PRPF19: variants seen among roughly 807,000 people sequenced by gnomAD.
The protein encoded by PRPF19 is pre-mRNA processing factor 19, also known as pre-mRNA-processing factor 19.
PRPF19 carries 2 observed loss-of-function variants against 64.2 expected under a neutral mutation model. The ratio of observed to expected loss-of-function variants is 0.03; its 90% CI spans 0.01 to 0.10. The LOEUF (loss-of-function observed/expected upper bound fraction) is 0.10, where lower values mean the gene tolerates loss of function less well. PRPF19 is among the 10% of genes least tolerant of loss of function. PRPF19 has a pLI of 1.00. For synonymous variants in PRPF19, 226 were observed against 251.6 expected, an observed-to-expected ratio of 0.90 and a Z score of 0.96; for missense variants, 314 against 650.0, an observed-to-expected ratio of 0.48 and a Z score of 5.62.
In PRPF19 at chr11:60,902,353, T is replaced by A; in HGVS notation, c.525+50A>T. On this transcript the variant is annotated intron_variant, in intron 6 of 15. Coordinates refer to ENST00000227524, the MANE Select transcript of PRPF19 (RefSeq NM_014502.5). This position sits in a 1 kb window ranked among gnomAD's most constrained non-coding sequence, Gnocchi z 5.0. Reference sequence around the variant, plus strand: ...GTCACGATGGACTCCAGACAGATGGTGAAAAGTAAGGGCCCATCAGCACTC... The same window carrying A: ...GTCACGATGGACTCCAGACAGATGGAGAAAAGTAAGGGCCCATCAGCACTC... The A allele has an allele frequency of 6.4e-7, 1 of 1,569,152 alleles. No homozygotes were observed. Among genetic ancestry groups the A allele is most frequent in the East Asian group, 2.2e-5 (1 of 44,668 alleles).
chr11:60,895,776 T>C (rs1855912990), intron 15 of PRPF19, among the ~76,000 whole-genome samples: 1 of 151,298 alleles, frequency 6.6e-6, no homozygotes, highest in Non-Finnish European at 1.5e-5. Flanking sequence ...ATAATACGGT[T>C]ATTAACTGGC....
chr11:60,903,428 G>A (rs1476020095), intron 3 of PRPF19, 31 bp downstream of exon 3: 1 of 1,588,500 alleles, frequency 6.3e-7, no homozygotes, highest in Non-Finnish European at 8.6e-7. Context: ...CTTCAAGTGG[G>A]GAAGATGCTG....
At chr11:60,892,791 C>T (rs1405433146) in intron 15 of PRPF19, among the ~76,000 whole-genome samples, 1 of 152,162 alleles carries the variant, frequency 6.6e-6, no homozygotes, top group African/African-American at 2.4e-5. Context: ...GGAATCTCAA[C>T]CAGGGAAAAT....
rs778898976 is a variant in PRPF19 at position 60,901,298 on chromosome 11, G to A, written c.639C>T (p.His213=). 5.7e-5 allele frequency: 92 copies of A among 1,613,972 alleles called. No individual in the cohort carries two copies. The highest frequency in any genetic ancestry group is 7.0e-5 in the Non-Finnish European group (83 of 1,180,010). ...ELSKYRQVAS[H]VGLHSASIPG... ...CAGTGGAGACCCAGACACTCACCAC[G>A]TGGGATGCCACCTGCCGGTATTTGC... The change falls in exon 8 of 16, where the codon CAC becomes CAT. Residue 213 remains histidine, a synonymous_variant. Transcript: ENST00000227524.
Position 60,891,165 on chromosome 11 carries a change from C to A in PRPF19, c.*1G>T, listed in dbSNP as rs538227816. The A allele has an allele frequency of 6.4e-7, 1 of 1,562,066 alleles. No homozygotes were observed. The highest frequency in any genetic ancestry group is 1.7e-5 in the Admixed American group (1 of 58,090). On this transcript the variant is annotated 3_prime_UTR_variant, in exon 16 of 16. Transcript: ENST00000227524. ...CCAGCTTCCATCAGAAGGGCCAGGG[C>A]CTACAGGCTGTAGAACTTGAGGCTT...
At chr11:60,896,097 A>G (rs774425477) in intron 15 of PRPF19, among the ~76,000 whole-genome samples, 6 of 152,238 alleles carry the variant, frequency 3.9e-5, no homozygotes, top group Non-Finnish European at 5.9e-5. Flanking sequence ...TGCTTGGGGC[A>G]AGGTTGCCAA....
chr11:60,893,874 G>A (rs750072375), intron 15 of PRPF19, among the ~76,000 whole-genome samples: 34 of 150,882 alleles, frequency 2.3e-4, no homozygotes, highest in Non-Finnish European at 4.0e-4. Context: ...AGCCAAGATC[G>A]TGCCACTGCA....
In PRPF19 at chr11:60,906,537, G is replaced by A; in HGVS notation, c.-155C>T. ...GCGATGCTAGCGTAGCGCTTCACGT[G>A]GGAATGGGGACAGCCGCGCGCCACA... On this transcript the variant is annotated 5_prime_UTR_variant, in exon 1 of 16. Transcript: ENST00000227524. The A allele has an allele frequency of 1.3e-6, 1 of 758,838 alleles. No homozygotes were observed. The highest frequency in any genetic ancestry group is 2.1e-6 in the Non-Finnish European group (1 of 483,980). 47.0% of individuals were successfully genotyped at this position (758,838 alleles called of 1,614,324 possible). A position where few individuals can be genotyped will look rare whatever the true frequency, so the allele number is the denominator to read the frequency against.
At chr11:60,899,342 A>G (rs1237586774) in intron 10 of PRPF19, 38 bp from the exon 11 acceptor site, 2 of 1,578,928 alleles carry the variant, frequency 1.3e-6, no homozygotes. Context: ...AGAGTCAGAA[A>G]AGAGATACAG....
chr11:60,890,899 G>A lies in PRPF19; in HGVS notation c.*267C>T. ...ACCACGTCCATTGAACGACAGGAAG[G>A]GAGAGGCCCTGGGCTCCGACCCTGG... On this transcript the variant is annotated 3_prime_UTR_variant, in exon 16 of 16. Coordinates refer to ENST00000227524, the MANE Select transcript of PRPF19 (RefSeq NM_014502.5). The A allele has an allele frequency of 1.7e-6, 1 of 576,898 alleles. No individual in the cohort carries two copies. Among genetic ancestry groups the A allele is most frequent in the Non-Finnish European group, 3.3e-6 (1 of 305,778 alleles). 35.7% of individuals were successfully genotyped at this position (576,898 alleles called of 1,614,324 possible).
chr11:60,890,783 A>G lies in PRPF19; in HGVS notation c.*383T>C, dbSNP rs1855847223. 1 of 464,002 alleles carries G rather than the reference A, an allele frequency of 2.2e-6. No homozygotes were observed. The highest frequency in any genetic ancestry group is 1.5e-5 in the South Asian group (1 of 64,608). The allele number at this position is 464,002 out of a possible 1,614,324, so 28.7% of individuals were successfully genotyped here. ...GATCACTGCTTACAAAACCCTGCACAAGCCCTCCTGCCCATCCCCTTCACA... is the reference window on the plus strand; with the variant it reads ...GATCACTGCTTACAAAACCCTGCACGAGCCCTCCTGCCCATCCCCTTCACA... On this transcript the variant is annotated 3_prime_UTR_variant, in exon 16 of 16. Coordinates refer to ENST00000227524, the MANE Select transcript of PRPF19 (RefSeq NM_014502.5).
chr11:60,898,572 A>G lies in PRPF19; in HGVS notation c.1109T>C (p.Met370Thr). 6.2e-7 allele frequency: 1 copy of G among 1,614,192 alleles called. No individual in the cohort carries two copies. The highest frequency in any genetic ancestry group is 8.5e-7 in the Non-Finnish European group (1 of 1,180,036). Residue 370 changes from methionine to threonine, a missense_variant, in exon 13 of 16, where the codon ATG (methionine) becomes ACG (threonine). Physicochemically the swap from Met to Thr is moderately conservative, Grantham distance 81 (BLOSUM62 -1). This residue lies in a region of PRPF19 where 175 missense variants were observed against 342.9 expected (regional missense o/e 0.51). Transcript: ENST00000227524. The surrounding 1 kb of genome is among the most constrained non-coding windows in gnomAD (Gnocchi z 4.6). ...GTCCCAGATCTTGATCTGAGAGTCC[A>G]TGGTTCCTGTTCCAAAGATGAGTCC... ...PDGLIFGTGT[M>T]DSQIKIWDLK...
rs1388444713 is a variant in PRPF19, at chr11:60,890,959, C to A, written c.*207G>T. The A allele has an allele frequency of 1.3e-5, 8 of 614,852 alleles. No individual in the cohort carries two copies. The highest frequency in any genetic ancestry group is 1.3e-4 in the African/African-American group (7 of 54,576). The allele number at this position is 614,852 out of a possible 1,614,324, so 38.1% of individuals were successfully genotyped here. A position where few individuals can be genotyped will look rare whatever the true frequency, so the allele number is the denominator to read the frequency against. ...GGGTGACAGTTCTTCCTTCCACATC[C>A]GTTCCCATGGGGCCTGGAGTTGCAT... On this transcript the variant is annotated 3_prime_UTR_variant, in exon 16 of 16. Coordinates refer to ENST00000227524, the MANE Select transcript of PRPF19 (RefSeq NM_014502.5).
intron 3 of PRPF19, among the ~76,000 whole-genome samples, chr11:60,903,162 TA>T (rs1856003262): frequency 6.6e-6 from 1 of 152,128 alleles, no homozygotes; most frequent in Non-Finnish European, 1.5e-5. Flanking sequence ...GTCCCCTCTC[TA>T]AAAGAGAATA....
In PRPF19 at chr11:60,898,229, T is replaced by G. The variant is rs746057859; in HGVS notation, c.1183A>C (p.Ile395Leu). ...TTCTCAGAGAAGGCGATGCTAGTGATGGGGCCCGAGTGGCCAGGGAAGTTG... is the reference window on the plus strand; with the variant it reads ...TTCTCAGAGAAGGCGATGCTAGTGAGGGGGCCCGAGTGGCCAGGGAAGTTG... ...VANFPGHSGP[I>L]TSIAFSENGY... Residue 395 changes from isoleucine (I) to leucine (L), a missense_variant, in exon 14 of 16, where the codon ATC becomes CTC. Physicochemically the swap from Ile to Leu is conservative, Grantham distance 5 (BLOSUM62 2). Coordinates refer to ENST00000227524, the MANE Select transcript of PRPF19 (RefSeq NM_014502.5). This position sits in a 1 kb window ranked among gnomAD's most constrained non-coding sequence, Gnocchi z 4.6. 6.2e-7 allele frequency: 1 copy of G among 1,614,074 alleles called. No individual in the cohort carries two copies. The highest frequency in any genetic ancestry group is 8.5e-7 in the Non-Finnish European group (1 of 1,180,018).
At chr11:60,903,167 G>C (rs561478514) in intron 3 of PRPF19, among the ~76,000 whole-genome samples, 11 of 152,210 alleles carry the variant, frequency 7.2e-5, no homozygotes, top group African/African-American at 2.2e-4. Flanking sequence ...CTCTCTAAAA[G>C]AGAATAACAA....
chr11:60,897,788 G>T (rs1855937685), intron 15 of PRPF19, 58 bp downstream of exon 15: 2 of 1,447,812 alleles, frequency 1.4e-6, no homozygotes, highest in Non-Finnish European at 9.6e-7. Context: ...ACCCAGTGAG[G>T]CTTCCCTCCG....
In PRPF19 at chr11:60,903,744, G is replaced by C. The variant is rs751326482; in HGVS notation, c.137C>G (p.Pro46Arg). 1 of 1,600,526 alleles carries C rather than the reference G, an allele frequency of 6.2e-7. No individual in the cohort carries two copies. The highest frequency in any genetic ancestry group is 1.1e-5 in the South Asian group (1 of 90,010). ...GTCGATGAGCTGCTCCTCGGAGAGA[G>C]GCTGGTTGTTGATGGGGTCGGTACC... The part of the protein sequence containing the change: ...ENGTDPINNQ[P>R]LSEEQLIDIK... The change falls in exon 2 of 16, where the codon CCT becomes CGT. Residue 46 changes from proline to arginine, a missense_variant. This residue lies in a region of PRPF19 where 66 missense variants were observed against 88.4 expected (regional missense o/e 0.75). Coordinates refer to ENST00000227524, the MANE Select transcript of PRPF19 (RefSeq NM_014502.5).
Position 60,897,966 on chromosome 11 carries a change from AAGAG to A in PRPF19, c.1312-19_1312-16del. 1 of 1,610,646 alleles carries A rather than the reference AAGAG, an allele frequency of 6.2e-7. No homozygotes were observed. The highest frequency in any genetic ancestry group is 8.5e-7 in the Non-Finnish European group (1 of 1,176,806). ...AGTGACTTTACCTGCCAGAAATAGA[AAGAG>A]AGAAGGTCACACAAGGGGAACAGAA... On this transcript the variant is annotated splice_polypyrimidine_tract_variant and intron_variant, in intron 14 of 15. Coordinates refer to ENST00000227524, the MANE Select transcript of PRPF19 (RefSeq NM_014502.5).
Sources: gnomAD v4.1 joint callset for allele counts (sites outside exome capture counted in the v4.1 genomes callset) on GRCh38, gnomAD v4.1.1 for gene constraint, gnomAD v4.1.1 regional missense constraint, Gnocchi (gnomAD v3.1) non-coding constraint, MANE v1.5 for transcripts, NCBI Gene and HGNC (gene_info 2026-07-23, HGNC 2026-07-21) for gene names.